Variants in PTPRT observed in about 807,000 individuals in gnomAD.
PTPRT encodes the protein protein tyrosine phosphatase receptor type T.
Under a neutral mutation model 176.8 loss-of-function variants are expected in PTPRT, and 56 were observed. The ratio of observed to expected loss-of-function variants is 0.32; its 90% CI spans 0.26 to 0.40. The LOEUF is 0.40. Among genes scored for constraint, PTPRT ranks in the 10% least tolerant of loss-of-function variants. PTPRT has a pLI of 1.00. For synonymous variants in PTPRT, 783 were observed against 739.0 expected, an observed-to-expected ratio of 1.06 and a Z score of -0.96; for missense variants, 1,540 against 1,908.2, an observed-to-expected ratio of 0.81 and a Z score of 3.60.
At chr20:42,883,007 G>C (rs1208273697) in intron 2 of PTPRT, among the ~76,000 whole-genome samples, 1 of 152,220 alleles carries the variant, frequency 6.6e-6, no homozygotes, top group Non-Finnish European at 1.5e-5. Context: ...AGCAGAGTGG[G>C]ATGTGGAGCA....
At chr20:42,296,175 C>T (rs1001016000) in intron 12 of PTPRT, among the ~76,000 whole-genome samples, 2 of 152,140 alleles carry the variant, frequency 1.3e-5, no homozygotes, top group Non-Finnish European at 2.9e-5. Flanking sequence ...AGGCCAGGTG[C>T]CCTGGCTTAC....
intron 7 of PTPRT, among the ~76,000 whole-genome samples, chr20:42,593,920 G>C (rs1036259262): frequency 3.3e-5 from 5 of 152,176 alleles, no homozygotes; most frequent in African/African-American, 1.2e-4. Flanking sequence ...CATCTCATTG[G>C]CCAGCAGGTC....
chr20:42,616,909 T>C lies in PTPRT; in HGVS notation c.1153+60957A>G, dbSNP rs1208493176. On this transcript the variant is annotated intron_variant, in intron 7 of 30. Transcript: ENST00000373187. ...ACAGGGACAATTTGACTTCCTCTTTTCCTAATTGAATACCCTTTATTTCCT... is the reference window on the plus strand; with the variant it reads ...ACAGGGACAATTTGACTTCCTCTTTCCCTAATTGAATACCCTTTATTTCCT... 9.0e-5 allele frequency among the ~76,000 whole-genome samples: 12 copies of C among 133,318 alleles called. No individual in the cohort carries two copies. The East Asian group carries it at 2.4e-3, about 27-fold the overall frequency. 87.5% of individuals were successfully genotyped at this position (133,318 alleles called of 152,430 possible).
At chr20:42,188,799 A>G (rs1990880936) in intron 16 of PTPRT, among the ~76,000 whole-genome samples, 1 of 152,206 alleles carries the variant, frequency 6.6e-6, no homozygotes, top group Non-Finnish European at 1.5e-5. Flanking sequence ...CTCAAGATGT[A>G]GTGGCCTAGG....
At chr20:42,557,520 C>G (rs1568975489) in intron 7 of PTPRT, among the ~76,000 whole-genome samples, 1 of 152,100 alleles carries the variant, frequency 6.6e-6, no homozygotes, top group Non-Finnish European at 1.5e-5. Context: ...TCATGACACC[C>G]TTGGGCAGCC....
chr20:42,622,799 C>T (rs1383272631), intron 7 of PTPRT, among the ~76,000 whole-genome samples: 1 of 152,172 alleles, frequency 6.6e-6, no homozygotes, highest in Admixed American at 6.5e-5. Context: ...AGCACTGATA[C>T]GGACAGGAGA....
rs146903903 is a variant in PTPRT at position 42,108,780 on chromosome 20, T to C, written c.3254+1553A>G. Among the ~76,000 whole-genome samples, 721 of 152,278 alleles carry C rather than the reference T, an allele frequency of 4.7e-3. 7 individuals carry two copies. Among genetic ancestry groups the C allele is most frequent in the African/African-American group, 0.016 (666 of 41,552 alleles). On this transcript the variant is annotated intron_variant, in intron 23 of 30. Coordinates refer to ENST00000373187, the MANE Select transcript of PTPRT (RefSeq NM_007050.6). ...TGCTTACTATATGTCAGGCATTCTC[T>C]CTTAGGCACTTAGCCAACCCATTTG...
intron 13 of PTPRT, among the ~76,000 whole-genome samples, chr20:42,256,868 T>G (rs1006517849): frequency 4.6e-5 from 7 of 152,072 alleles, no homozygotes; most frequent in Admixed American, 1.3e-4. Context: ...CCAACAGAAG[T>G]GGAACTCTGG....
intron 13 of PTPRT, among the ~76,000 whole-genome samples, chr20:42,262,826 A>T (rs1186826933): frequency 1.3e-5 from 2 of 152,132 alleles, no homozygotes; most frequent in Non-Finnish European, 2.9e-5. Context: ...TGCCATGTTC[A>T]ATAGAAAACT....
intron 6 of PTPRT, among the ~76,000 whole-genome samples, chr20:42,704,724 A>G (rs79203607): frequency 0.014 from 2,071 of 152,244 alleles, 47 homozygotes; most frequent in African/African-American, 0.047. Flanking sequence ...TTATGCACCC[A>G]TCACACCGAA....
Position 42,993,516 on chromosome 20 carries a change from G to GTA in PTPRT, c.89-107586_89-107585dup, listed in dbSNP as rs1391297688. Reference sequence around the variant, plus strand: ...TATATATATACACATATATGTGTGTGTATATATATACACATATATGTGTGT... The same window carrying GTA: ...TATATATATACACATATATGTGTGTGTATATATATATACACATATATGTGTGT... On this transcript the variant is annotated intron_variant, in intron 1 of 30. Transcript: ENST00000373187. 8.5e-4 allele frequency among the ~76,000 whole-genome samples: 68 copies of GTA among 79,704 alleles called. 17 individuals are homozygous for GTA. The highest frequency in any genetic ancestry group is 7.0e-3 in the Admixed American group (60 of 8,596). The allele number at this position is 79,704 out of a possible 152,430, so 52.3% of individuals were successfully genotyped here. A position where few individuals can be genotyped will look rare whatever the true frequency, so the allele number is the denominator to read the frequency against.
intron 7 of PTPRT, among the ~76,000 whole-genome samples, chr20:42,504,347 A>G (rs546845286): frequency 1.3e-5 from 2 of 152,248 alleles, no homozygotes; most frequent in East Asian, 3.9e-4. Flanking sequence ...AAAAAAAACC[A>G]TCTCACTGAC....
intron 7 of PTPRT, among the ~76,000 whole-genome samples, chr20:42,667,265 T>G (rs567744219): frequency 9.2e-5 from 14 of 152,318 alleles, no homozygotes; most frequent in African/African-American, 3.1e-4. Flanking sequence ...CCGGGCCATT[T>G]GAGCAAGTGT....
intron 13 of PTPRT, among the ~76,000 whole-genome samples, chr20:42,271,453 T>C (rs956529991): frequency 6.6e-6 from 1 of 152,158 alleles, no homozygotes; most frequent in Non-Finnish European, 1.5e-5. Flanking sequence ...TCCCTTCTTA[T>C]TGCAATATAT....
chr20:42,617,277 C>T (rs1326831640), intron 7 of PTPRT, among the ~76,000 whole-genome samples: 23 of 133,666 alleles, frequency 1.7e-4, no homozygotes, highest in South Asian at 4.7e-4. Flanking sequence ...CCTTGCATCC[C>T]AGGGATGAAG....
chr20:43,143,522 G>T (rs1298163091), intron 1 of PTPRT, among the ~76,000 whole-genome samples: 2 of 152,186 alleles, frequency 1.3e-5, no homozygotes, highest in East Asian at 3.9e-4. Flanking sequence ...CACAGGTAAG[G>T]CTGGGCACCA....
At chr20:42,148,063 G>A (rs1988951322) in intron 17 of PTPRT, among the ~76,000 whole-genome samples, 1 of 152,132 alleles carries the variant, frequency 6.6e-6, no homozygotes, top group Non-Finnish European at 1.5e-5. Flanking sequence ...ATTGACCAGG[G>A]AATGGTGGCA....
chr20:43,100,018 C>T (rs774039803), intron 1 of PTPRT, among the ~76,000 whole-genome samples: 69 of 152,194 alleles, frequency 4.5e-4, no homozygotes, highest in Non-Finnish European at 8.5e-4. Context: ...GAAGGAAGCA[C>T]AATGTGTATT....
chr20:42,378,409 C>T (rs114447913), intron 9 of PTPRT, among the ~76,000 whole-genome samples: 1 of 152,160 alleles, frequency 6.6e-6, no homozygotes, highest in African/African-American at 2.4e-5. Context: ...CTTTCCAGTT[C>T]CTGTGTTTTC....
Sources: gnomAD v4.1 joint callset for allele counts (sites outside exome capture counted in the v4.1 genomes callset) on GRCh38, gnomAD v4.1.1 for gene constraint, MANE v1.5 for transcripts, NCBI Gene and HGNC (gene_info 2026-07-23, HGNC 2026-07-21) for gene names.